The following ANGEL2 variants were observed in gnomAD, a reference collection of about 807,000 sequenced individuals.
ANGEL2 encodes RNA 2',3'-cyclic phosphatase ANGEL2.
ANGEL2 carries 41 observed loss-of-function variants against 66.0 expected under a neutral mutation model. That is an observed-to-expected ratio of 0.62 (90% CI 0.48 to 0.81). The LOEUF is 0.81. Among genes scored for constraint, ANGEL2 ranks in the 30% least tolerant of loss-of-function variants. The pLI is 0.00. For synonymous variants in ANGEL2, 208 were observed against 226.5 expected (o/e 0.92, Z 0.73); for missense variants, 561 against 641.6 (o/e 0.87, Z 1.36).
At chr1:212,995,213 C>T (rs1192565923) in intron 8 of ANGEL2, 21 bp from the exon 9 acceptor site, 2 of 1,574,856 alleles carry the variant, frequency 1.3e-6, no homozygotes, top group Non-Finnish European at 1.7e-6. Context: ...GAAGCACACA[C>T]ATATTTAGTA....
rs756853901 is a variant in ANGEL2, at chr1:212,997,257, C to A, written c.1381G>T (p.Asp461Tyr). Residue 461 changes from aspartate (D) to tyrosine (Y), a missense_variant, in exon 8 of 9, where the codon GAC (aspartate) becomes TAC (tyrosine). Physicochemically the swap from Asp to Tyr is radical, Grantham distance 160. Transcript: ENST00000366962. ...LSSVYSHYFP[D>Y]TGIPEVTTCH... ...GTGGTCACTTCTGGAATTCCAGTGT[C>A]AGGAAAGTAATGTGAATAAACAGAT... The A allele has an allele frequency of 1.1e-5, 17 of 1,613,532 alleles. No homozygotes were observed. Among genetic ancestry groups the A allele is most frequent in the Non-Finnish European group, 1.4e-5 (17 of 1,179,664 alleles).
rs773960509 is a variant in ANGEL2 at position 213,015,633 on chromosome 1, G to A, written c.39C>T (p.His13=). Reference sequence around the variant, plus strand: ...CTGACCGGCCTCTTCCCACCACACAGTGGCCGTAGCCCTTCCTCACACAGC... The same window carrying A: ...CTGACCGGCCTCTTCCCACCACACAATGGCCGTAGCCCTTCCTCACACAGC... ...AWRCVRKGYG[H]CVVGRGRYPM... is the part of the protein sequence containing the mutation. The change falls in exon 1 of 9, where the codon CAC becomes CAT. Residue 13 remains histidine (H), a synonymous_variant. Transcript: ENST00000366962. 1.2e-6 allele frequency: 2 copies of A among 1,609,302 alleles called. No homozygotes were observed. Among genetic ancestry groups the A allele is most frequent in the Admixed American group, 3.4e-5 (2 of 59,602 alleles).
chr1:213,013,628 T>C (rs1351424435), intron 1 of ANGEL2, among the ~76,000 whole-genome samples: 5 of 152,190 alleles, frequency 3.3e-5, no homozygotes, highest in East Asian at 1.9e-4. Flanking sequence ...AATGGTATTC[T>C]GAATACTTAA....
Position 213,005,454 on chromosome 1 carries a change from C to A in ANGEL2, c.713G>T (p.Gly238Val), listed in dbSNP as rs760518208. Residue 238 changes from glycine to valine, a missense_variant and splice_region_variant, in exon 5 of 9, where the codon GGT (glycine) becomes GTT (valine). Physicochemically the swap from Gly to Val is moderately radical, Grantham distance 109. Transcript: ENST00000366962. ...CCGCATCTTATATTCACAGTGATAACCTACAAGAAACAAATGAATTTAAAA... is the reference window on the plus strand; with the variant it reads ...CCGCATCTTATATTCACAGTGATAAACTACAAGAAACAAATGAATTTAAAA... ...AEIRPSLESL[G>V]YHCEYKMRTG... 2 of 1,572,020 alleles carry A rather than the reference C, an allele frequency of 1.3e-6. No individual in the cohort carries two copies. The highest frequency in any genetic ancestry group is 3.8e-5 in the Admixed American group (2 of 53,000).
chr1:213,012,292 AG>A, intron 2 of ANGEL2, among the ~76,000 whole-genome samples: 1 of 4,394 alleles, frequency 2.3e-4, no homozygotes, highest in Non-Finnish European at 6.0e-3. Flanking sequence ...CCTTCTCTCA[AG>A]TTATCTTCAG....
chr1:213,011,431 C>G, intron 2 of ANGEL2: 1 of 1,123,054 alleles, frequency 8.9e-7, no homozygotes. Flanking sequence ...TATGGCTTAA[C>G]GAAGAGCATT....
intron 7 of ANGEL2, among the ~76,000 whole-genome samples, chr1:212,998,520 C>CTTT (rs549600424): frequency 5.2e-5 from 7 of 135,068 alleles, no homozygotes; most frequent in South Asian, 2.4e-4. Context: ...AAAAAAGTAT[C>CTTT]TTTTTTTTTT....
At chr1:213,002,860 G>A (rs1035609911) in intron 5 of ANGEL2, among the ~76,000 whole-genome samples, 2 of 150,984 alleles carry the variant, frequency 1.3e-5, no homozygotes, top group African/African-American at 2.4e-5. Flanking sequence ...AGAGGTAGCA[G>A]TGAACCGAGA....
At chr1:213,011,369 C>T in intron 2 of ANGEL2, 1 of 1,162,466 alleles carries the variant, frequency 8.6e-7, no homozygotes, top group Non-Finnish European at 1.1e-6. Flanking sequence ...GGCAAGTTAG[C>T]AATGCTGTTT....
rs1402560149 is a variant in ANGEL2, at chr1:213,013,206, T to G, written c.272A>C (p.Gln91Pro). 6.8e-6 allele frequency: 11 copies of G among 1,614,228 alleles called. No homozygotes were observed. The highest frequency in any genetic ancestry group is 8.5e-6 in the Non-Finnish European group (10 of 1,180,024). The change falls in exon 2 of 9, where the codon CAG becomes CCG. Residue 91 changes from glutamine (Q) to proline (P), a missense_variant. Gln to Pro is a moderately conservative substitution (Grantham distance 76). Coordinates refer to ENST00000366962, the MANE Select transcript of ANGEL2 (RefSeq NM_144567.5). ...GTTGTCAGGTCTCCAGTTACAGTAC[T>G]GGAACTGAGTTCTAGACTCAAACAA... ...PCLFESRTQF[Q>P]YCNWRPDNLS... is the part of the protein sequence containing the mutation.
Position 212,995,184 on chromosome 1 carries a change from C to G in ANGEL2, c.1492G>C (p.Val498Leu), listed in dbSNP as rs972543902. 3 of 1,600,630 alleles carry G rather than the reference C, an allele frequency of 1.9e-6. No individual in the cohort carries two copies. Among genetic ancestry groups the G allele is most frequent in the Non-Finnish European group, 2.6e-6 (3 of 1,173,918 alleles). The change falls in exon 9 of 9, where the codon GTT (valine) becomes CTT (leucine). Residue 498 changes from valine (V) to leucine (L), a missense_variant. By Grantham distance (32) the Val-to-Leu change is conservative. Coordinates refer to ENST00000366962, the MANE Select transcript of ANGEL2 (RefSeq NM_144567.5). Reference protein sequence around the residue: ...EDVAGHPGAEVALVGGLKLLA... With the variant: ...EDVAGHPGAELALVGGLKLLA... Reference sequence around the variant, plus strand: ...AGTTTCAAGCCACCAACCAAAGCAACTTCAGCTCCTACATTAAAGAAGCAC... The same window carrying G: ...AGTTTCAAGCCACCAACCAAAGCAAGTTCAGCTCCTACATTAAAGAAGCAC...
Position 213,013,366 on chromosome 1 carries a change from G to T in ANGEL2, c.112C>A (p.Pro38Thr), listed in dbSNP as rs1398540127. 6.2e-7 allele frequency: 1 copy of T among 1,614,104 alleles called. No individual in the cohort carries two copies. The highest frequency in any genetic ancestry group is 1.7e-5 in the Admixed American group (1 of 60,020). The stretch of plus-strand genomic sequence containing the variant: ...CAACACCTTTGCAGATTCTCCCACG[G>T]TGTAGTCCAGTCTCTGCCCAGACTC... ...SRSLGRDWTT[P>T]WENLQRCCWN... The change falls in exon 2 of 9, where the codon CCG becomes ACG. Residue 38 changes from proline (P) to threonine (T), a missense_variant. Coordinates refer to ENST00000366962, the MANE Select transcript of ANGEL2 (RefSeq NM_144567.5).
rs757678878 is a variant in ANGEL2 at position 213,013,394 on chromosome 1, C to A, written c.84G>T (p.Ser28=). Residue 28 remains serine, a synonymous_variant, in exon 2 of 9, where the codon TCG becomes TCT. Coordinates refer to ENST00000366962, the MANE Select transcript of ANGEL2 (RefSeq NM_144567.5). ...RGRYPMFPHH[S]RSLGRDWTTP... is the part of the protein sequence containing the mutation. ...TAGTCCAGTCTCTGCCCAGACTCCT[C>A]GAGTGATGGGGAAACATGGGGTATC... 6 of 1,613,518 alleles carry A rather than the reference C, an allele frequency of 3.7e-6. No individual in the cohort carries two copies. The highest frequency in any genetic ancestry group is 5.1e-6 in the Non-Finnish European group (6 of 1,179,674).
At chr1:212,999,183 A>AT (rs200922032) in intron 7 of ANGEL2, among the ~76,000 whole-genome samples, 32 of 149,780 alleles carry the variant, frequency 2.1e-4, no homozygotes, top group Admixed American at 2.7e-4. Flanking sequence ...GAATGTTTTA[A>AT]TTTTTTTTTT....
In ANGEL2 at chr1:213,013,295, G is replaced by A. The variant is rs1346209761; in HGVS notation, c.183C>T (p.Tyr61=). ...ISSCMRWPGH[Y]SRAPYPYFSS... ...TGAAGTATGGGTAAGGAGCTCGAGA[G>A]TAATGTCCAGGCCACCTCATACAAC... Residue 61 remains tyrosine (Y), a synonymous_variant, in exon 2 of 9, where the codon TAC becomes TAT. Transcript: ENST00000366962. 6.2e-7 allele frequency: 1 copy of A among 1,614,052 alleles called. No individual in the cohort carries two copies. Among genetic ancestry groups the A allele is most frequent in the African/African-American group, 1.3e-5 (1 of 74,924 alleles).
intron 5 of ANGEL2, chr1:213,001,955 A>G: frequency 5.8e-6 from 1 of 173,216 alleles, no homozygotes; most frequent in Non-Finnish European, 1.2e-5. Flanking sequence ...TGAACCCCTC[A>G]AAGTCATCCA....
At chr1:213,011,097 T>A in intron 2 of ANGEL2, 1 of 1,111,254 alleles carries the variant, frequency 9.0e-7, no homozygotes, top group African/African-American at 1.6e-5. Context: ...AGAAATGTGT[T>A]CAAATATGAG....
At chr1:213,002,986 T>G (rs1485988999) in intron 5 of ANGEL2, among the ~76,000 whole-genome samples, 1 of 152,170 alleles carries the variant, frequency 6.6e-6, no homozygotes, top group African/African-American at 2.4e-5. Context: ...CTAGATCTTC[T>G]GGATAACCTA....
chr1:213,004,980 C>T, intron 5 of ANGEL2, 53 bp downstream of exon 5: 3 of 1,350,908 alleles, frequency 2.2e-6, no homozygotes, highest in Non-Finnish European at 3.0e-6. Context: ...TTCACATTAT[C>T]ATGAGCAGAG....
Sources: gnomAD v4.1 joint callset for allele counts (sites outside exome capture counted in the v4.1 genomes callset) on GRCh38, gnomAD v4.1.1 for gene constraint, MANE v1.5 for transcripts, NCBI Gene and HGNC (gene_info 2026-07-23, HGNC 2026-07-21) for gene names.